The following UBR1 variants were observed in gnomAD, a reference collection of about 807,000 sequenced individuals.
UBR1 encodes E3 ubiquitin-protein ligase UBR1.
Under a neutral mutation model 242.1 loss-of-function variants are expected in UBR1, and 102 were observed. The ratio of observed to expected loss-of-function variants is 0.42; its 90% confidence interval spans 0.36 to 0.50. The LOEUF (loss-of-function observed/expected upper bound fraction) is 0.50. Ranked by LOEUF, UBR1 falls within the 20% of genes least tolerant of loss-of-function variation. The pLI, the probability that UBR1 is intolerant of heterozygous loss-of-function variation, is 0.01. For synonymous variants in UBR1, 675 were observed against 684.8 expected, an observed-to-expected ratio of 0.99 and a Z score of 0.22; for missense variants, 1,772 against 2,101.8, an observed-to-expected ratio of 0.84 and a Z score of 3.07.
At chr15:42,960,797 C>A in intron 42 of UBR1, 96 bp from the exon 43 acceptor site, 1 of 1,297,288 alleles carries the variant, frequency 7.7e-7, no homozygotes, top group Non-Finnish European at 1.1e-6. Context: ...GAGATGGATT[C>A]TCACTCTTTC....
intron 13 of UBR1, 124 bp from the exon 14 acceptor site, chr15:43,047,413 G>T: frequency 7.1e-7 from 1 of 1,412,272 alleles, no homozygotes. Context: ...GGGTCAGAAT[G>T]CATGGGTTCA....
At chr15:43,016,735 T>C (rs983046814) in intron 28 of UBR1, among the ~76,000 whole-genome samples, 72 of 152,074 alleles carry the variant, frequency 4.7e-4, no homozygotes, top group African/African-American at 1.7e-3. Context: ...AGCCACCACA[T>C]TGGGCTAATT....
intron 25 of UBR1, among the ~76,000 whole-genome samples, chr15:43,023,210 A>C (rs1039602939): frequency 6.6e-6 from 1 of 152,168 alleles, no homozygotes; most frequent in Non-Finnish European, 1.5e-5. Context: ...AAAAATAAGA[A>C]AGCTGATAGG....
At chr15:42,983,588 A>G (rs2032410932) in intron 37 of UBR1, among the ~76,000 whole-genome samples, 1 of 151,248 alleles carries the variant, frequency 6.6e-6, no homozygotes, top group Non-Finnish European at 1.5e-5. Flanking sequence ...TCACTTGAAC[A>G]CGTGAGGTGG....
At chr15:43,069,514 A>T (rs2033797410) in intron 5 of UBR1, among the ~76,000 whole-genome samples, 1 of 152,148 alleles carries the variant, frequency 6.6e-6, no homozygotes, top group African/African-American at 2.4e-5. Flanking sequence ...TGACGTCGTG[A>T]TCCACCCACC....
intron 29 of UBR1, 62 bp downstream of exon 29, chr15:43,015,626 C>A: frequency 6.4e-7 from 1 of 1,565,696 alleles, no homozygotes. Context: ...GAGAAACACC[C>A]AAGAATGATC....
At chr15:43,085,876 G>C (rs917437188) in intron 2 of UBR1, 108 bp downstream of exon 2, 2 of 1,203,634 alleles carry the variant, frequency 1.7e-6, no homozygotes, top group Non-Finnish European at 2.3e-6. Flanking sequence ...ACCGGAGATC[G>C]CACCACTGCA....
chr15:42,945,501 A>G, intron 46 of UBR1, 31 bp from the exon 47 acceptor site: 2 of 1,612,748 alleles, frequency 1.2e-6, no homozygotes, highest in Non-Finnish European at 1.7e-6. Flanking sequence ...ACAACATGTA[A>G]GTTTGAATCT....
chr15:43,025,099 C>A, intron 24 of UBR1, 116 bp from the exon 25 acceptor site: 1 of 1,331,886 alleles, frequency 7.5e-7, no homozygotes, highest in Non-Finnish European at 1.0e-6. Context: ...CAAAACAACA[C>A]ATGCTTTTTT....
chr15:42,998,343 T>C (rs1187266509), intron 32 of UBR1, 78 bp from the exon 33 acceptor site: 2 of 1,281,016 alleles, frequency 1.6e-6, no homozygotes, highest in Non-Finnish European at 2.2e-6. Flanking sequence ...ATTATTTCCT[T>C]GGATAAATGG....
At chr15:43,092,775 A>G (rs754187013) in intron 1 of UBR1, among the ~76,000 whole-genome samples, 126 of 152,246 alleles carry the variant, frequency 8.3e-4, no homozygotes, top group Middle Eastern at 3.4e-3. Flanking sequence ...GATGGTCTCA[A>G]TCTCTTGACC....
At chr15:42,987,521 C>G (rs1186566578) in intron 35 of UBR1, among the ~76,000 whole-genome samples, 4 of 152,098 alleles carry the variant, frequency 2.6e-5, no homozygotes, top group Admixed American at 2.6e-4. Context: ...CGAGACCATC[C>G]TGGCCAACAT....
chr15:42,995,386 A>G (rs987454143), intron 33 of UBR1, among the ~76,000 whole-genome samples: 2 of 152,000 alleles, frequency 1.3e-5, no homozygotes, highest in African/African-American at 2.4e-5. Flanking sequence ...AAGGCTGGGC[A>G]CGGTGGCTCA....
At position 42,960,786 on chromosome 15, in the gene UBR1, T is replaced by G. The variant is rs567264940; in HGVS notation, c.4701-85A>C. ...TCAACAAGCCATTCTCTTTTTTTTTTGAGATGGATTCTCACTCTTTCGCCC... is the reference window on the plus strand; with the variant it reads ...TCAACAAGCCATTCTCTTTTTTTTTGGAGATGGATTCTCACTCTTTCGCCC... On this transcript the variant is annotated intron_variant, in intron 42 of 46. Transcript: ENST00000290650. The G allele has an allele frequency of 6.4e-5, 88 of 1,384,992 alleles. No homozygotes were observed. The African/African-American group carries it at 1.1e-3, about 17-fold the overall frequency. 85.8% of individuals were successfully genotyped at this position (1,384,992 alleles called of 1,614,324 possible).
Position 43,091,999 on chromosome 15 carries a change from T to C in UBR1, c.82-5759A>G, listed in dbSNP as rs549917327. The C allele has an allele frequency of 2.3e-3, 1,022 of 452,122 alleles. 7 individuals are homozygous for C. The highest frequency in any genetic ancestry group is 0.019 in the African/African-American group (946 of 48,910). The allele number at this position is 452,122 out of a possible 1,614,324, so 28.0% of individuals were successfully genotyped here. On this transcript the variant is annotated intron_variant, in intron 1 of 46. Transcript: ENST00000290650. Reference sequence around the variant, plus strand: ...TATTCGGGAGGCTGAGGTGGGAGAATTGCTTGAGTCAGAGAGGGAGAGGTC... The same window carrying C: ...TATTCGGGAGGCTGAGGTGGGAGAACTGCTTGAGTCAGAGAGGGAGAGGTC...
At chr15:43,057,145 A>G (rs1026793846) in intron 10 of UBR1, among the ~76,000 whole-genome samples, 1 of 152,238 alleles carries the variant, frequency 6.6e-6, no homozygotes, top group Non-Finnish European at 1.5e-5. Context: ...GCTTTTGTAT[A>G]AGAAAACAAA....
chr15:43,027,800 A>C lies in UBR1; in HGVS notation c.2408T>G (p.Val803Gly). The change falls in exon 22 of 47, where the codon GTC becomes GGC. Residue 803 changes from valine (V) to glycine (G), a missense_variant. Val to Gly is a moderately radical substitution (Grantham distance 109). This residue lies in a region of UBR1 where 73 missense variants were observed against 128.9 expected (regional missense o/e 0.57). Coordinates refer to ENST00000290650, the MANE Select transcript of UBR1 (RefSeq NM_174916.3). Reference protein sequence around the residue: ...NENNETGLENVINKVATFKKP... With the variant: ...NENNETGLENGINKVATFKKP... Reference sequence around the variant, plus strand: ...CTTAAATGTGGCCACTTTGTTTATGACATTCTCTAAGCCAGTTTCATTATT... The same window carrying C: ...CTTAAATGTGGCCACTTTGTTTATGCCATTCTCTAAGCCAGTTTCATTATT... 1 of 1,612,804 alleles carries C rather than the reference A, an allele frequency of 6.2e-7. No homozygotes were observed. Among genetic ancestry groups the C allele is most frequent in the Non-Finnish European group, 8.5e-7 (1 of 1,179,416 alleles).
rs2033773113 is a variant in UBR1 at position 43,067,845 on chromosome 15, C to T, written c.798+53G>A. 11 of 1,611,768 alleles carry T rather than the reference C, an allele frequency of 6.8e-6. No individual in the cohort carries two copies. The Admixed American group carries it at 1.7e-4, about 24-fold the overall frequency. Reference sequence around the variant, plus strand: ...GAGCAAGGGCTCAGTCAACATCTGGCTGCCAGGAAGCTGACAGAAAACAGA... The same window carrying T: ...GAGCAAGGGCTCAGTCAACATCTGGTTGCCAGGAAGCTGACAGAAAACAGA... On this transcript the variant is annotated intron_variant, in intron 6 of 46. Coordinates refer to ENST00000290650, the MANE Select transcript of UBR1 (RefSeq NM_174916.3).
rs547443028 is a variant in UBR1 at position 43,081,979 on chromosome 15, A to C, written c.417+659T>G. Reference sequence around the variant, plus strand: ...TAAAATATGGTTAAATATTATATACATAATATGTTCTTAAAAAAGCACAAT... The same window carrying C: ...TAAAATATGGTTAAATATTATATACCTAATATGTTCTTAAAAAAGCACAAT... On this transcript the variant is annotated intron_variant, in intron 3 of 46. Coordinates refer to ENST00000290650, the MANE Select transcript of UBR1 (RefSeq NM_174916.3). Among the ~76,000 whole-genome samples, 11 of 152,186 alleles carry C rather than the reference A, an allele frequency of 7.2e-5. No individual in the cohort carries two copies. The South Asian group carries it at 2.1e-3, about 29-fold the overall frequency.
Sources: allele counts gnomAD v4.1 joint callset (sites outside exome capture counted in the v4.1 genomes callset), GRCh38; gene constraint gnomAD v4.1.1; regional missense constraint gnomAD v4.1.1; transcripts MANE v1.5; gene names NCBI Gene and HGNC (gene_info 2026-07-23, HGNC 2026-07-21).